The following PDE3B variants were observed in gnomAD, a reference collection of about 807,000 sequenced individuals.
The protein encoded by PDE3B is phosphodiesterase 3B.
Under a neutral mutation model 116.8 loss-of-function variants are expected in PDE3B, and 66 were observed. The ratio of observed to expected loss-of-function variants is 0.56; its 90% CI spans 0.46 to 0.69. The LOEUF (loss-of-function observed/expected upper bound fraction) is 0.69. Among genes scored for constraint, PDE3B ranks in the 30% least tolerant of loss-of-function variants. The pLI is 0.00. For synonymous variants in PDE3B, 595 were observed against 533.6 expected, an observed-to-expected ratio of 1.12 and a Z score of -1.59; for missense variants, 1,384 against 1,368.1, an observed-to-expected ratio of 1.01 and a Z score of -0.18.
intron 1 of PDE3B, among the ~76,000 whole-genome samples, chr11:14,659,498 A>G (rs73412615): frequency 0.13 from 20,065 of 152,210 alleles, 1,518 homozygotes; most frequent in African/African-American, 0.2. Context: ...AACTCTGGAA[A>G]TGTGATTTTT....
chr11:14,863,560 T>C (rs1174609985), intron 14 of PDE3B, among the ~76,000 whole-genome samples: 1 of 152,180 alleles, frequency 6.6e-6, no homozygotes, highest in Non-Finnish European at 1.5e-5. Context: ...GAGAGAAAGG[T>C]TGGGTTACTC....
chr11:14,722,009 G>T lies in PDE3B; in HGVS notation c.979-49928G>T, dbSNP rs1334337371. On this transcript the variant is annotated intron_variant, in intron 1 of 15. Coordinates refer to ENST00000282096, the MANE Select transcript of PDE3B (RefSeq NM_000922.4). ...AAAAAATGATGAGTTCATGTCCTTT[G>T]TAGGGACATGGATGAAGCTGGAAAC... Among the ~76,000 whole-genome samples the T allele has an allele frequency of 2.6e-5, 4 of 151,076 alleles. 1 individual carries two copies. Among genetic ancestry groups the T allele is most frequent in the Admixed American group, 2.6e-4 (4 of 15,166 alleles).
chr11:14,890,073 G>A, the PDE3B span, among the ~76,000 whole-genome samples: 3 of 152,278 alleles, frequency 2.0e-5, no homozygotes, highest in Admixed American at 1.3e-4. Context: ...AGCTTTCAGT[G>A]AGCCGAGATG....
chr11:14,718,493 T>G (rs1475240606), intron 1 of PDE3B, among the ~76,000 whole-genome samples: 1 of 148,420 alleles, frequency 6.7e-6, no homozygotes, highest in Non-Finnish European at 1.5e-5. Flanking sequence ...ACACCACACC[T>G]ATTCCAAAAT....
intron 1 of PDE3B, among the ~76,000 whole-genome samples, chr11:14,665,168 A>G (rs1854089156): frequency 6.6e-6 from 1 of 152,240 alleles, no homozygotes; most frequent in African/African-American, 2.4e-5. Context: ...GACAAAAACC[A>G]CATGATTATC....
At chr11:14,678,053 G>A (rs1054693329) in intron 1 of PDE3B, among the ~76,000 whole-genome samples, 4 of 151,902 alleles carry the variant, frequency 2.6e-5, no homozygotes, top group Admixed American at 6.6e-5. Context: ...CACAGCCTCC[G>A]GAGTAGCTGG....
At chr11:14,723,288 G>T (rs977887242) in intron 1 of PDE3B, among the ~76,000 whole-genome samples, 1 of 152,186 alleles carries the variant, frequency 6.6e-6, no homozygotes, top group Non-Finnish European at 1.5e-5. Flanking sequence ...ACATCTGAGG[G>T]ATTCTTAAAT....
chr11:14,840,353 ACCATGTTACCTGC>A (rs1350502149), intron 11 of PDE3B, among the ~76,000 whole-genome samples: 3 of 152,236 alleles, frequency 2.0e-5, no homozygotes, highest in Non-Finnish European at 4.4e-5. Context: ...GCACTAGATT[ACCATGTTACCTGC>A]CCATAATGAA....
At chr11:14,709,385 T>C (rs1391923889) in intron 1 of PDE3B, among the ~76,000 whole-genome samples, 1 of 152,166 alleles carries the variant, frequency 6.6e-6, no homozygotes, top group Non-Finnish European at 1.5e-5. Context: ...GGGTGTACCT[T>C]ATAATCAGTG....
chr11:14,866,740 A>G (rs1223647696), intron 14 of PDE3B, among the ~76,000 whole-genome samples: 1 of 152,188 alleles, frequency 6.6e-6, no homozygotes, highest in Admixed American at 6.5e-5. Flanking sequence ...CTAGGACTAA[A>G]ATGTTAATAG....
chr11:14,802,224 G>A (rs547354118), intron 4 of PDE3B, among the ~76,000 whole-genome samples: 3 of 152,290 alleles, frequency 2.0e-5, no homozygotes, highest in Non-Finnish European at 2.9e-5. Flanking sequence ...CAGCTAGTTT[G>A]GTGTCTGCCT....
intron 4 of PDE3B, among the ~76,000 whole-genome samples, chr11:14,802,603 G>T (rs1482862866): frequency 6.6e-6 from 1 of 152,146 alleles, no homozygotes; most frequent in Non-Finnish European, 1.5e-5. Flanking sequence ...CAACCATCTT[G>T]CCTGGGAACA....
downstream of PDE3B, among the ~76,000 whole-genome samples, chr11:14,876,438 ACT>A (rs1451679131): frequency 6.6e-6 from 1 of 151,996 alleles, no homozygotes; most frequent in African/African-American, 2.4e-5. Flanking sequence ...TGGTCTTCTG[ACT>A]CTTCATAATT....
chr11:14,784,218 T>A (rs1489097887), intron 2 of PDE3B, among the ~76,000 whole-genome samples: 1 of 151,898 alleles, frequency 6.6e-6, no homozygotes, highest in Non-Finnish European at 1.5e-5. Context: ...AGAAAGGAAA[T>A]TATAAAAGAA....
intron 4 of PDE3B, among the ~76,000 whole-genome samples, chr11:14,791,837 G>A (rs1420666298): frequency 6.6e-6 from 1 of 152,046 alleles, no homozygotes; most frequent in African/African-American, 2.4e-5. Context: ...ATAAAATGGT[G>A]TAGTATTTAC....
chr11:14,721,170 A>C (rs542806069), intron 1 of PDE3B, among the ~76,000 whole-genome samples: 1 of 152,190 alleles, frequency 6.6e-6, no homozygotes, highest in South Asian at 2.1e-4. Flanking sequence ...AAATACATGA[A>C]AAAATGCTCA....
intron 2 of PDE3B, among the ~76,000 whole-genome samples, chr11:14,777,026 AAAAG>A (rs1857807578): frequency 6.6e-6 from 1 of 152,306 alleles, no homozygotes; most frequent in East Asian, 1.9e-4. Context: ...AACAAATGGA[AAAAG>A]AAAGAAAATA....
intron 5 of PDE3B, among the ~76,000 whole-genome samples, chr11:14,808,183 A>C (rs1173360206): frequency 2.0e-5 from 3 of 152,238 alleles, no homozygotes; most frequent in African/African-American, 7.2e-5. Context: ...CTTAAGAGAA[A>C]AAGCTAACAG....
the PDE3B span, chr11:14,886,296 G>T: frequency 5.5e-6 from 1 of 183,022 alleles, no homozygotes; most frequent in African/African-American, 2.4e-5. Context: ...GCTCTTTTAT[G>T]ATTCATTTTA....
Sources: allele counts gnomAD v4.1 joint callset (sites outside exome capture counted in the v4.1 genomes callset), GRCh38; gene constraint gnomAD v4.1.1; transcripts MANE v1.5; gene names NCBI Gene and HGNC (gene_info 2026-07-23, HGNC 2026-07-21).